MYADML2: variants seen among roughly 807,000 people sequenced by gnomAD.
MYADML2 encodes myeloid associated differentiation marker like 2.
A neutral mutation model predicts 16.0 loss-of-function variants in MYADML2; 17 were observed. That is an observed-to-expected ratio of 1.06 (90% CI 0.73 to 1.60). The LOEUF (loss-of-function observed/expected upper bound fraction) is 1.60. Among genes scored for constraint, MYADML2 ranks in the 40% most tolerant of loss-of-function variants. The probability of loss-of-function intolerance (pLI) is 0.00; values close to 1 mark genes in which losing one functional copy is unlikely to be tolerated. For synonymous variants in MYADML2, 210 were observed against 208.1 expected, an observed-to-expected ratio of 1.01 and a Z score of -0.08; for missense variants, 422 against 437.7, an observed-to-expected ratio of 0.96 and a Z score of 0.32.
chr17:81,942,023 C>T lies in MYADML2; in HGVS notation c.-102-180G>A, dbSNP rs184047539. On this transcript the variant is annotated intron_variant, in intron 2 of 2. Coordinates refer to ENST00000409745, the MANE Select transcript of MYADML2 (RefSeq NM_001145113.3). This position sits in a 1 kb window ranked among gnomAD's most constrained non-coding sequence, Gnocchi z 4.4. ...CCCTGGTCCCCTGTGGAGCCCCTGC[C>T]GGGACCATTAACCCATTGGCTGCTG... 115 of 392,386 alleles carry T rather than the reference C, an allele frequency of 2.9e-4. 1 individual carries two copies. The Admixed American group carries it at 3.6e-3, about 12-fold the overall frequency. 24.3% of individuals were successfully genotyped at this position (392,386 alleles called of 1,614,324 possible).
At chr17:81,945,861 C>T (rs2041340873) in intron 1 of MYADML2, among the ~76,000 whole-genome samples, 1 of 151,928 alleles carries the variant, frequency 6.6e-6, no homozygotes, top group South Asian at 2.1e-4. Flanking sequence ...AATGAAACCC[C>T]ATCTCCAAAA....
chr17:81,940,875 G>A lies in MYADML2; in HGVS notation c.867C>T (p.Leu289=), dbSNP rs571617033. 1.9e-6 allele frequency: 3 copies of A among 1,543,858 alleles called. No homozygotes were observed. The highest frequency in any genetic ancestry group is 2.4e-5 in the South Asian group (2 of 83,536). The change falls in exon 3 of 3, where the codon CTC becomes CTT. Residue 289 remains leucine (L), a synonymous_variant. Transcript: ENST00000409745. ...VVAIFTYVNL[L]LYVVDLAYSQ... is the part of the protein sequence containing the mutation. ...AGTAGGCGAGGTCAACGACGTACAGGAGCAGGTTGACGTAGGTGAAGATGG... is the reference window on the plus strand; with the variant it reads ...AGTAGGCGAGGTCAACGACGTACAGAAGCAGGTTGACGTAGGTGAAGATGG...
Position 81,941,690 on chromosome 17 carries a change from C to A in MYADML2, c.52G>T (p.Val18Leu). 4 of 1,545,428 alleles carry A rather than the reference C, an allele frequency of 2.6e-6. No individual in the cohort carries two copies. Among genetic ancestry groups the A allele is most frequent in the Non-Finnish European group, 3.5e-6 (4 of 1,144,012 alleles). Residue 18 changes from valine to leucine, a missense_variant, in exon 3 of 3, where the codon GTG becomes TTG. By Grantham distance (32) the Val-to-Leu change is conservative. Transcript: ENST00000409745. ...PGGAYLHLGAVTSPVGTARVL... is the reference protein window; with the variant it reads ...PGGAYLHLGALTSPVGTARVL... ...CGGGCTGTGCCCACAGGGGATGTCA[C>A]GGCGCCCAGGTGCAGGTACGCACCC...
chr17:81,942,831 G>A lies in MYADML2; in HGVS notation c.-180-458C>T, dbSNP rs555237634. Among the ~76,000 whole-genome samples the A allele has an allele frequency of 6.0e-5, 9 of 150,890 alleles. No homozygotes were observed. In the East Asian group the frequency reaches 1.2e-3, roughly 20 times the overall value. Reference sequence around the variant, plus strand: ...CTCCCAAAGTGCTGGGATTATAGGCGTGAGCCACTAGGTCCGGCCCCTCTT... The same window carrying A: ...CTCCCAAAGTGCTGGGATTATAGGCATGAGCCACTAGGTCCGGCCCCTCTT... On this transcript the variant is annotated intron_variant, in intron 1 of 2. Transcript: ENST00000409745. This position sits in a 1 kb window ranked among gnomAD's most constrained non-coding sequence, Gnocchi z 4.4.
chr17:81,941,445 G>T lies in MYADML2; in HGVS notation c.297C>A (p.Cys99Ter), dbSNP rs1211607447. ...GCGGATACAGGACCGCAGCCGTCGC[G>T]CATAGCAGGGTGGCCAGCATGGCGA... ...AAFAMLATLL[C>*]ATAAVLYPLY... is the part of the protein sequence containing the mutation. Residue 99 changes from cysteine (C) to a stop codon, truncating the protein, a stop_gained, in exon 3 of 3, where the codon TGC becomes TGA. Transcript: ENST00000409745. LOFTEE classifies it high-confidence loss of function. 2.6e-6 allele frequency: 4 copies of T among 1,549,378 alleles called. No homozygotes were observed. The highest frequency in any genetic ancestry group is 2.6e-6 in the Non-Finnish European group (3 of 1,146,644).
rs1391741354 is a variant in MYADML2, at chr17:81,941,780, G to T, written c.-39C>A. 4.1e-6 allele frequency: 6 copies of T among 1,463,454 alleles called. No homozygotes were observed. The Admixed American group carries it at 1.0e-4, about 26-fold the overall frequency. The allele number at this position is 1,463,454 out of a possible 1,614,324, so 90.7% of individuals were successfully genotyped here. The stretch of plus-strand genomic sequence containing the variant: ...TTTCCAGCTCACACAGTCCCCCAAG[G>T]CCCTGGGGTCCCTGCTGGGCCAAGG... On this transcript the variant is annotated 5_prime_UTR_variant, in exon 3 of 3. Coordinates refer to ENST00000409745, the MANE Select transcript of MYADML2 (RefSeq NM_001145113.3).
intron 1 of MYADML2, among the ~76,000 whole-genome samples, chr17:81,945,579 G>A (rs545449453): frequency 6.6e-6 from 1 of 151,498 alleles, no homozygotes; most frequent in Non-Finnish European, 1.5e-5. Flanking sequence ...GCACATGCCT[G>A]TAATCTCAGT....
intron 1 of MYADML2, among the ~76,000 whole-genome samples, chr17:81,945,446 G>A (rs1033942965): frequency 3.3e-5 from 5 of 152,070 alleles, no homozygotes; most frequent in Non-Finnish European, 5.9e-5. Context: ...GGCTGAGGCA[G>A]GAGAATGGCG....
chr17:81,941,273 T>C lies in MYADML2; in HGVS notation c.469A>G (p.Ser157Gly). 6.5e-7 allele frequency: 1 copy of C among 1,549,984 alleles called. No homozygotes were observed. The highest frequency in any genetic ancestry group is 8.7e-7 in the Non-Finnish European group (1 of 1,146,866). ...ALTRARPGQV[S>G]SYMATVSGLL... ...CCCGACACCGTGGCCATATAGCTGC[T>C]CACCTGGCCGGGCCGGGCCCGCGTC... The change falls in exon 3 of 3, where the codon AGC becomes GGC. Residue 157 changes from serine to glycine, a missense_variant. Physicochemically the swap from Ser to Gly is moderately conservative, Grantham distance 56 (BLOSUM62 0). Coordinates refer to ENST00000409745, the MANE Select transcript of MYADML2 (RefSeq NM_001145113.3).
In MYADML2 at chr17:81,939,649, T is replaced by C. The variant is rs1598361498; in HGVS notation, c.*1169A>G. On this transcript the variant is annotated 3_prime_UTR_variant, in exon 3 of 3. Coordinates refer to ENST00000409745, the MANE Select transcript of MYADML2 (RefSeq NM_001145113.3). ...ACTGCTGGTCCAGAGGCAGGGTACG[T>C]ATAAATGTCAGCATTTATTTCCTGC... 6.6e-6 allele frequency: 1 copy of C among 152,254 alleles called. No homozygotes were observed. The highest frequency in any genetic ancestry group is 2.1e-4 in the South Asian group (1 of 4,836). The allele number at this position is 152,254 out of a possible 1,614,324, so 9.4% of individuals were successfully genotyped here. A position where few individuals can be genotyped will look rare whatever the true frequency, so the allele number is the denominator to read the frequency against.
chr17:81,941,319 G>C lies in MYADML2; in HGVS notation c.423C>G (p.Ala141=). 2 of 1,549,626 alleles carry C rather than the reference G, an allele frequency of 1.3e-6. No individual in the cohort carries two copies. Among genetic ancestry groups the C allele is most frequent in the Non-Finnish European group, 1.7e-6 (2 of 1,146,622 alleles). ...GCGTCAGGGCCACCTCCACAGCGTA[G>C]GCCAGGAAGAGGAGCCCGGCGAAGA... is the stretch of plus-strand genomic sequence containing the variant. ...ASVFAGLLFL[A]YAVEVALTRA... is the part of the protein sequence containing the mutation. The change falls in exon 3 of 3, where the codon GCC becomes GCG. Residue 141 remains alanine (A), a synonymous_variant. Transcript: ENST00000409745.
chr17:81,940,980 G>A lies in MYADML2; in HGVS notation c.762C>T (p.Phe254=), dbSNP rs375074526. The stretch of plus-strand genomic sequence containing the variant: ...GTTTGGGCTCACCGTACTTGGGATC[G>A]AAACAGAAGACTGGCCAGATCACGG... The part of the protein sequence containing the change: ...SAAVIWPVFC[F]DPKYGEPKRP... Residue 254 remains phenylalanine (F), a synonymous_variant, in exon 3 of 3, where the codon TTC becomes TTT. Transcript: ENST00000409745. 1,139 of 1,550,672 alleles carry A rather than the reference G, an allele frequency of 7.3e-4. 4 individuals are homozygous for A. The highest frequency in any genetic ancestry group is 1.2e-3 in the Middle Eastern group (7 of 5,992).
Position 81,946,323 on chromosome 17 carries a change from G to C in MYADML2, c.-181+736C>G, listed in dbSNP as rs199516023. ...TCAGCCGAGATCGTGCCACTGCACT[G>C]TAGCCTGGCGACAGAGCAAGACTCA... is the stretch of plus-strand genomic sequence containing the variant. On this transcript the variant is annotated intron_variant, in intron 1 of 2. Transcript: ENST00000409745. Among the ~76,000 whole-genome samples, 78 of 146,122 alleles carry C rather than the reference G, an allele frequency of 5.3e-4. 1 individual carries two copies. The East Asian group carries it at 0.014, about 25-fold the overall frequency.
In MYADML2 at chr17:81,941,078, C is replaced by T. The variant is rs2041298648; in HGVS notation, c.664G>A (p.Gly222Ser). The change falls in exon 3 of 3, where the codon GGC (glycine) becomes AGC (serine). Residue 222 changes from glycine (G) to serine (S), a missense_variant. Gly to Ser is a moderately conservative substitution (Grantham distance 56, BLOSUM62 0). Coordinates refer to ENST00000409745, the MANE Select transcript of MYADML2 (RefSeq NM_001145113.3). ...AGCCGGTCAAAGGGGCAGCCCAGGCCCCCTGTGTGGCCCATCACACTCAGG... is the reference window on the plus strand; with the variant it reads ...AGCCGGTCAAAGGGGCAGCCCAGGCTCCCTGTGTGGCCCATCACACTCAGG... ...VALSVMGHTG[G>S]LGCPFDRLVV... The T allele has an allele frequency of 6.4e-7, 1 of 1,550,394 alleles. No homozygotes were observed. Among genetic ancestry groups the T allele is most frequent in the Non-Finnish European group, 8.7e-7 (1 of 1,146,994 alleles).
chr17:81,940,555 A>G lies in MYADML2; in HGVS notation c.*263T>C. The G allele has an allele frequency of 2.2e-6, 1 of 450,552 alleles. No homozygotes were observed. Among genetic ancestry groups the G allele is most frequent in the Non-Finnish European group, 4.0e-6 (1 of 252,234 alleles). The allele number at this position is 450,552 out of a possible 1,614,324, so 27.9% of individuals were successfully genotyped here. A position where few individuals can be genotyped will look rare whatever the true frequency, so the allele number is the denominator to read the frequency against. Reference sequence around the variant, plus strand: ...CACTGAGCCCCAGGAGCGCTGGGAAATGGTGAGAGAGAGTGAGTTGGGGAT... The same window carrying G: ...CACTGAGCCCCAGGAGCGCTGGGAAGTGGTGAGAGAGAGTGAGTTGGGGAT... On this transcript the variant is annotated 3_prime_UTR_variant, in exon 3 of 3. Transcript: ENST00000409745.
At chr17:81,944,561 C>T (rs750645231) in intron 1 of MYADML2, among the ~76,000 whole-genome samples, 1 of 152,144 alleles carries the variant, frequency 6.6e-6, no homozygotes, top group Non-Finnish European at 1.5e-5. Flanking sequence ...CCTTTATAAT[C>T]TCCTAACCCA....
rs2143923480 is a variant in MYADML2, at chr17:81,942,970, T to G, written c.-180-597A>C. Among the ~76,000 whole-genome samples, 1 of 152,274 alleles carries G rather than the reference T, an allele frequency of 6.6e-6. No homozygotes were observed. Among genetic ancestry groups the G allele is most frequent in the African/African-American group, 2.4e-5 (1 of 41,558 alleles). On this transcript the variant is annotated intron_variant, in intron 1 of 2. Coordinates refer to ENST00000409745, the MANE Select transcript of MYADML2 (RefSeq NM_001145113.3). The surrounding 1 kb of genome is among the most constrained non-coding windows in gnomAD (Gnocchi z 4.4). ...AAGTGATCCTCCTGCCTCAGCCTTT[T>G]TATTTATTTACTTATTTATTTATTT...
At position 81,942,530 on chromosome 17, in the gene MYADML2, C is replaced by T. The variant is rs1198216137; in HGVS notation, c.-180-157G>A. The T allele has an allele frequency of 1.3e-5, 2 of 152,280 alleles. No individual in the cohort carries two copies. The highest frequency in any genetic ancestry group is 2.9e-5 in the Non-Finnish European group (2 of 68,086). 9.4% of individuals were successfully genotyped at this position (152,280 alleles called of 1,614,324 possible). A position where few individuals can be genotyped will look rare whatever the true frequency, so the allele number is the denominator to read the frequency against. ...TTGCAGGGGCCATTCTGGGGCTTTT[C>T]ACTTGTCCTTCACATTAAACACCTA... On this transcript the variant is annotated intron_variant, in intron 1 of 2. Coordinates refer to ENST00000409745, the MANE Select transcript of MYADML2 (RefSeq NM_001145113.3). This position sits in a 1 kb window ranked among gnomAD's most constrained non-coding sequence, Gnocchi z 4.4.
chr17:81,945,998 T>A (rs1181651472), intron 1 of MYADML2, among the ~76,000 whole-genome samples: 7 of 152,124 alleles, frequency 4.6e-5, no homozygotes, highest in African/African-American at 9.7e-5. Flanking sequence ...TGACACCTGC[T>A]ACATTTGGTC....
Sources: allele counts gnomAD v4.1 joint callset (sites outside exome capture counted in the v4.1 genomes callset), GRCh38; gene constraint gnomAD v4.1.1; non-coding constraint Gnocchi (gnomAD v3.1); transcripts MANE v1.5; gene names NCBI Gene and HGNC (gene_info 2026-07-23, HGNC 2026-07-21).